The following TAX1BP1 variants were observed in gnomAD, a reference collection of about 807,000 sequenced individuals.
TAX1BP1 encodes the protein tax1-binding protein 1.
TAX1BP1 carries 62 observed loss-of-function variants against 97.7 expected under a neutral mutation model. The observed-to-expected ratio is 0.63, with a 90% CI of 0.52 to 0.78. TAX1BP1 has a LOEUF of 0.78. Among genes scored for constraint, TAX1BP1 ranks in the 30% least tolerant of loss-of-function variants. TAX1BP1 has a pLI of 0.00. For missense variants in TAX1BP1, 867 were observed against 916.1 expected (o/e 0.95, Z 0.69); for synonymous variants, 340 against 304.2 (o/e 1.12, Z -1.23).
chr7:27,816,363 T>C lies in TAX1BP1; in HGVS notation c.1779T>C (p.Ser593=), dbSNP rs143177155. ...VQDNYKELKR[S]LENPAERKME... ...GTTAATTTTAGGAACTTAAAAGGAG[T>C]CTAGAAAATCCAGCAGAAAGGAAAA... is the stretch of plus-strand genomic sequence containing the variant. The change falls in exon 14 of 17, where the codon AGT becomes AGC. Residue 593 remains serine (S), a synonymous_variant. Transcript: ENST00000396319. 7.2e-5 allele frequency: 113 copies of C among 1,575,530 alleles called. No homozygotes were observed. Among genetic ancestry groups the C allele is most frequent in the Non-Finnish European group, 6.8e-5 (79 of 1,168,962 alleles).
intron 7 of TAX1BP1, among the ~76,000 whole-genome samples, chr7:27,786,496 G>A (rs1238749286): frequency 6.6e-6 from 1 of 152,168 alleles, no homozygotes; most frequent in Non-Finnish European, 1.5e-5. Flanking sequence ...TGCTGTGGGT[G>A]CAAATTGAGA....
At chr7:27,825,772 G>A (rs1333346770) in intron 15 of TAX1BP1, among the ~76,000 whole-genome samples, 1 of 152,168 alleles carries the variant, frequency 6.6e-6, no homozygotes, top group African/African-American at 2.4e-5. Flanking sequence ...GTAAATTGGT[G>A]TAGGCTGTTA....
intron 14 of TAX1BP1, 36 bp from the exon 15 acceptor site, chr7:27,816,854 C>A: frequency 6.2e-7 from 1 of 1,611,290 alleles, no homozygotes; most frequent in South Asian, 1.1e-5. Context: ...TTGTAGTAAC[C>A]AGTTTCACTC....
intron 13 of TAX1BP1, among the ~76,000 whole-genome samples, chr7:27,810,183 A>G (rs1790501830): frequency 6.6e-6 from 1 of 151,304 alleles, no homozygotes; most frequent in South Asian, 2.1e-4. Context: ...CTGGGATTAC[A>G]GGCGTGAGCC....
intron 3 of TAX1BP1, among the ~76,000 whole-genome samples, chr7:27,759,336 A>T (rs879457028): frequency 6.6e-6 from 1 of 152,190 alleles, no homozygotes; most frequent in Non-Finnish European, 1.5e-5. Context: ...TCCAAGTAAG[A>T]TAACATTGAG....
chr7:27,771,135 A>G (rs1049221790), intron 5 of TAX1BP1, among the ~76,000 whole-genome samples: 1 of 46,282 alleles, frequency 2.2e-5, no homozygotes, highest in African/African-American at 7.4e-5. Context: ...TTTTTTACTC[A>G]TTTGTTGTAA....
At chr7:27,754,691 G>C (rs531953788) in intron 2 of TAX1BP1, among the ~76,000 whole-genome samples, 183 of 152,174 alleles carry the variant, frequency 1.2e-3, no homozygotes, top group African/African-American at 4.2e-3. Flanking sequence ...TCCTGCCTCA[G>C]CCTCCTGAGT....
intron 13 of TAX1BP1, among the ~76,000 whole-genome samples, chr7:27,812,763 G>C (rs1294914845): frequency 1.3e-5 from 2 of 151,894 alleles, no homozygotes; most frequent in Non-Finnish European, 2.9e-5. Flanking sequence ...TACATCTTGA[G>C]GTATTTTAAA....
Position 27,798,865 on chromosome 7 carries a change from T to G in TAX1BP1, c.1639-1100T>G, listed in dbSNP as rs576326745. Among the ~76,000 whole-genome samples the G allele has an allele frequency of 2.0e-5, 3 of 151,650 alleles. No homozygotes were observed. The East Asian group carries it at 5.8e-4, about 29-fold the overall frequency. On this transcript the variant is annotated intron_variant, in intron 12 of 16. Coordinates refer to ENST00000396319, the MANE Select transcript of TAX1BP1 (RefSeq NM_006024.7). ...GAGTGGTCGAATCTTTTTGGTAGTT[T>G]AAATATAGGGTTGTTCATCTTGAGT...
chr7:27,797,288 C>T (rs955441467), intron 12 of TAX1BP1, among the ~76,000 whole-genome samples: 2 of 152,080 alleles, frequency 1.3e-5, no homozygotes, highest in Non-Finnish European at 2.9e-5. Context: ...TGAGCCACCG[C>T]GCCCGGCCTA....
chr7:27,746,480 A>G lies in TAX1BP1; in HGVS notation c.-7-2038A>G, dbSNP rs1297308509. On this transcript the variant is annotated intron_variant, in intron 1 of 16. Coordinates refer to ENST00000396319, the MANE Select transcript of TAX1BP1 (RefSeq NM_006024.7). ...AATCATTAATGACTTCATTAGTATC[A>G]TGACCTCCCTGGGAGCCCAAATTAG... is the stretch of plus-strand genomic sequence containing the variant. 2.0e-5 allele frequency among the ~76,000 whole-genome samples: 3 copies of G among 148,784 alleles called. No homozygotes were observed. In the Admixed American group the frequency reaches 2.0e-4, roughly 10 times the overall value.
chr7:27,787,986 CA>C (rs773276120), intron 8 of TAX1BP1, among the ~76,000 whole-genome samples: 10 of 152,084 alleles, frequency 6.6e-5, no homozygotes, highest in Non-Finnish European at 1.0e-4. Context: ...CACATTGCCC[CA>C]AATGTATTCT....
chr7:27,769,888 C>A, intron 5 of TAX1BP1, 54 bp downstream of exon 5: 2 of 1,560,646 alleles, frequency 1.3e-6, no homozygotes, highest in South Asian at 1.2e-5. Context: ...GCCTGAAACC[C>A]ACCTTTTTAA....
At chr7:27,770,386 T>C (rs574130401) in intron 5 of TAX1BP1, among the ~76,000 whole-genome samples, 78 of 152,164 alleles carry the variant, frequency 5.1e-4, no homozygotes, top group African/African-American at 1.8e-3. Context: ...GTGATAGAAA[T>C]AGACTTGTAA....
At chr7:27,763,720 AT>A (rs1788515479) in intron 3 of TAX1BP1, among the ~76,000 whole-genome samples, 1 of 151,680 alleles carries the variant, frequency 6.6e-6, no homozygotes, top group Non-Finnish European at 1.5e-5. Context: ...GTAAGCTGAG[AT>A]CAGGCCACTG....
chr7:27,759,359 A>T (rs754952392), intron 3 of TAX1BP1, among the ~76,000 whole-genome samples: 2 of 152,208 alleles, frequency 1.3e-5, no homozygotes, highest in African/African-American at 4.8e-5. Flanking sequence ...ACCTGTAACA[A>T]TTGTAATGTG....
Position 27,828,815 on chromosome 7 carries a change from C to G in TAX1BP1, c.2356C>G (p.Leu786Val). ...HVQTHFDQNV[L>V]NFD is the part of the protein sequence containing the mutation. The stretch of plus-strand genomic sequence containing the variant: ...GCAGACCCATTTTGATCAGAATGTT[C>G]TAAATTTTGACTAGTTACTTTTTAT... Residue 786 changes from leucine (L) to valine (V), a missense_variant, in exon 17 of 17, where the codon CTA becomes GTA. Transcript: ENST00000396319. The G allele has an allele frequency of 6.6e-7, 1 of 1,507,204 alleles. No homozygotes were observed. The highest frequency in any genetic ancestry group is 9.0e-7 in the Non-Finnish European group (1 of 1,112,630). 93.4% of individuals were successfully genotyped at this position (1,507,204 alleles called of 1,614,324 possible).
At position 27,769,782 on chromosome 7, in the gene TAX1BP1, G is replaced by C. The variant is rs1202989335; in HGVS notation, c.560G>C (p.Arg187Thr). The C allele has an allele frequency of 6.2e-7, 1 of 1,612,696 alleles. No individual in the cohort carries two copies. The highest frequency in any genetic ancestry group is 8.5e-7 in the Non-Finnish European group (1 of 1,179,084). Residue 187 changes from arginine (R) to threonine (T), a missense_variant, in exon 5 of 17, where the codon AGA (arginine) becomes ACA (threonine). Physicochemically the swap from Arg to Thr is moderately conservative, Grantham distance 71. This residue lies in a region of TAX1BP1 where 822 missense variants were observed against 851.4 expected (regional missense o/e 0.97). Transcript: ENST00000396319. Reference protein sequence around the residue: ...QLREQVGRMERELNHEKERCD... With the variant: ...QLREQVGRMETELNHEKERCD... ...CGAGAACAAGTTGGGAGAATGGAAA[G>C]AGAACTTAACCATGAGAAAGAAAGA...
chr7:27,824,695 A>G (rs1791107257), intron 15 of TAX1BP1, among the ~76,000 whole-genome samples: 1 of 152,124 alleles, frequency 6.6e-6, no homozygotes, highest in South Asian at 2.1e-4. Flanking sequence ...ATGTCAGTTT[A>G]TCGTAGCTTG....
Sources: gnomAD v4.1 joint callset for allele counts (sites outside exome capture counted in the v4.1 genomes callset) on GRCh38, gnomAD v4.1.1 for gene constraint, gnomAD v4.1.1 regional missense constraint, MANE v1.5 for transcripts, NCBI Gene and HGNC (gene_info 2026-07-23, HGNC 2026-07-21) for gene names.